Variants in FRMD6 observed in about 807,000 individuals in gnomAD.
FRMD6 encodes the protein FERM domain containing 6.
In FRMD6, 37 loss-of-function variants were observed where a neutral mutation model predicts 73.2. The observed-to-expected ratio is 0.51, with a 90% CI of 0.39 to 0.66. FRMD6 has a LOEUF of 0.66. Ranked by LOEUF, FRMD6 falls within the 30% of genes least tolerant of loss-of-function variation. FRMD6 has a pLI of 0.00. For missense variants in FRMD6, 714 were observed against 780.5 expected, an observed-to-expected ratio of 0.91 and a Z score of 1.02; for synonymous variants, 273 against 282.2, an observed-to-expected ratio of 0.97 and a Z score of 0.33.
upstream of FRMD6, among the ~76,000 whole-genome samples, chr14:51,647,500 T>G (rs1012213975): frequency 1.3e-5 from 2 of 152,204 alleles, no homozygotes; most frequent in African/African-American, 4.8e-5. Context: ...CACTAAACTA[T>G]TTAAGTTTCC....
the FRMD6 span, among the ~76,000 whole-genome samples, chr14:51,443,539 CA>C: frequency 6.6e-6 from 1 of 152,194 alleles, no homozygotes; most frequent in South Asian, 2.1e-4. Flanking sequence ...TTTATGAAAC[CA>C]AAGGCTGCAT....
the FRMD6 span, among the ~76,000 whole-genome samples, chr14:51,402,444 A>C: frequency 6.6e-6 from 1 of 152,090 alleles, no homozygotes; most frequent in Non-Finnish European, 1.5e-5. Flanking sequence ...GGGCCTCACA[A>C]GATCTGAAGG....
intron 12 of FRMD6, among the ~76,000 whole-genome samples, chr14:51,722,626 C>T (rs1056846314): frequency 6.6e-6 from 1 of 152,130 alleles, no homozygotes; most frequent in African/African-American, 2.4e-5. Context: ...CTGTAGAAAA[C>T]ATGCATTCCC....
At chr14:51,464,350 A>G in the FRMD6 span, among the ~76,000 whole-genome samples, 3 of 152,102 alleles carry the variant, frequency 2.0e-5, no homozygotes, top group African/African-American at 7.2e-5. Context: ...CCTATGTAAG[A>G]AACCTGCACA....
rs755111728 is a variant in FRMD6, at chr14:51,583,538, A to G, written c.-147+13128A>G. ...CTTACTATGTACCTGGAGCTCTTCC[A>G]TGTGTTTTCATATATTAACACATAT... On this transcript the variant is annotated intron_variant, in intron 2 of 14. Coordinates refer to the FRMD6 transcript ENST00000356218. Among the ~76,000 whole-genome samples the G allele has an allele frequency of 5.9e-5, 9 of 152,202 alleles. 1 individual carries two copies. The highest frequency in any genetic ancestry group is 2.9e-5 in the Non-Finnish European group (2 of 68,044).
At chr14:51,449,504 G>A in the FRMD6 span, among the ~76,000 whole-genome samples, 1 of 152,294 alleles carries the variant, frequency 6.6e-6, no homozygotes, top group South Asian at 2.1e-4. Flanking sequence ...CACAAAGAAG[G>A]AGCTGGCCCA....
At chr14:51,531,523 T>C (rs1251312619) in intron 1 of FRMD6, among the ~76,000 whole-genome samples, 1 of 152,200 alleles carries the variant, frequency 6.6e-6, no homozygotes, top group East Asian at 1.9e-4. Flanking sequence ...AGTCTGCAAT[T>C]TGGTTAATAG....
At chr14:51,485,377 T>A (rs1253415167), upstream of FRMD6, among the ~76,000 whole-genome samples, 1 of 152,234 alleles carries the variant, frequency 6.6e-6, no homozygotes, top group Admixed American at 6.5e-5. Flanking sequence ...ACCTCATTTT[T>A]AACTAATTAC....
At chr14:51,648,522 CCAACG>C (rs1892180140), upstream of FRMD6, among the ~76,000 whole-genome samples, 1 of 152,194 alleles carries the variant, frequency 6.6e-6, no homozygotes, top group Non-Finnish European at 1.5e-5. Context: ...CTAGGTAATT[CCAACG>C]TGCTTGCAAG....
At chr14:51,424,327 C>A in the FRMD6 span, among the ~76,000 whole-genome samples, 1 of 152,274 alleles carries the variant, frequency 6.6e-6, no homozygotes, top group African/African-American at 2.4e-5. Flanking sequence ...TGGATACAGA[C>A]AAACCAAGCA....
chr14:51,419,848 T>C, the FRMD6 span, among the ~76,000 whole-genome samples: 1 of 152,176 alleles, frequency 6.6e-6, no homozygotes, highest in Non-Finnish European at 1.5e-5. Context: ...CTTCCCTCAT[T>C]TGGTATAGTC....
rs1229018442 is a variant in FRMD6, at chr14:51,599,028, A to ACTTTT, written c.-147+28621_-147+28625dup. 2.2e-5 allele frequency among the ~76,000 whole-genome samples: 3 copies of ACTTTT among 133,382 alleles called. No individual in the cohort carries two copies. In the East Asian group the frequency reaches 6.4e-4, roughly 28 times the overall value. 87.5% of individuals were successfully genotyped at this position (133,382 alleles called of 152,430 possible). A position where few individuals can be genotyped will look rare whatever the true frequency, so the allele number is the denominator to read the frequency against. ...TCCCACCAGCAGTGTATAAGCATTC[A>ACTTTT]CTTTTCTCAGCAGCCTTGCCAGTAT... On this transcript the variant is annotated intron_variant, in intron 2 of 14. Coordinates refer to the FRMD6 transcript ENST00000356218.
chr14:51,594,548 C>T (rs916107090), intron 2 of FRMD6, among the ~76,000 whole-genome samples: 2 of 151,704 alleles, frequency 1.3e-5, no homozygotes, highest in South Asian at 2.1e-4. Context: ...TGGCTGGTCT[C>T]GAACTCCCGA....
At chr14:51,488,087 G>T (rs1236863826), upstream of FRMD6, among the ~76,000 whole-genome samples, 1 of 152,166 alleles carries the variant, frequency 6.6e-6, no homozygotes, top group Non-Finnish European at 1.5e-5. Context: ...TTTCCCTAGG[G>T]TGGCCACCAG....
intron 2 of FRMD6, among the ~76,000 whole-genome samples, chr14:51,580,547 T>C (rs940933388): frequency 6.6e-6 from 1 of 152,172 alleles, no homozygotes; most frequent in African/African-American, 2.4e-5. Context: ...GGAGCCAGAA[T>C]TTGAACCCAA....
chr14:51,599,402 T>C (rs76118324), intron 2 of FRMD6, among the ~76,000 whole-genome samples: 11,902 of 152,172 alleles, frequency 0.078, 616 homozygotes, highest in African/African-American at 0.12. Flanking sequence ...GAAGAAAACT[T>C]AGGAGACACC....
At chr14:51,635,731 T>G (rs1224738509) in intron 2 of FRMD6, among the ~76,000 whole-genome samples, 1 of 152,200 alleles carries the variant, frequency 6.6e-6, no homozygotes, top group Non-Finnish European at 1.5e-5. Flanking sequence ...GATAAATAAA[T>G]AATGCCATCT....
intron 1 of FRMD6, among the ~76,000 whole-genome samples, chr14:51,674,127 AC>A (rs1180464957): frequency 6.6e-6 from 1 of 152,156 alleles, no homozygotes; most frequent in African/African-American, 2.4e-5. Flanking sequence ...TGAAACTTGT[AC>A]TGAAGGTAAA....
chr14:51,694,284 TTATA>T (rs892637994), intron 2 of FRMD6, among the ~76,000 whole-genome samples: 2 of 152,202 alleles, frequency 1.3e-5, no homozygotes, highest in African/African-American at 4.8e-5. Flanking sequence ...GGCCACGAGC[TTATA>T]TGTCTTCACT....
Sources: gnomAD v4.1 joint callset for allele counts (sites outside exome capture counted in the v4.1 genomes callset) on GRCh38, gnomAD v4.1.1 for gene constraint, MANE v1.5 for transcripts, NCBI Gene and HGNC (gene_info 2026-07-23, HGNC 2026-07-21) for gene names.